RIN3: variants seen among roughly 807,000 people sequenced by gnomAD.
The protein encoded by RIN3 is Ras and Rab interactor 3, also known as RAB5 interacting protein 3.
Under a neutral mutation model 76.3 loss-of-function variants are expected in RIN3, and 54 were observed. The observed-to-expected ratio is 0.71, with a 90% CI of 0.57 to 0.89. The LOEUF (loss-of-function observed/expected upper bound fraction) is 0.89. Ranked by LOEUF, RIN3 falls within the 40% of genes least tolerant of loss-of-function variation. RIN3 has a pLI of 0.00. For synonymous variants in RIN3, 576 were observed against 564.0 expected, an observed-to-expected ratio of 1.02 and a Z score of -0.30; for missense variants, 1,256 against 1,322.1, an observed-to-expected ratio of 0.95 and a Z score of 0.78.
chr14:92,673,960 T>C (rs868097158), intron 7 of RIN3, among the ~76,000 whole-genome samples: 13 of 152,354 alleles, frequency 8.5e-5, no homozygotes, highest in South Asian at 6.2e-4. Flanking sequence ...AACCAGATTT[T>C]AGATACAGTC....
rs150221413 is a variant in RIN3, at chr14:92,555,895, G to T, written c.189G>T (p.Trp63Cys). Residue 63 changes from tryptophan (W) to cysteine (C), a missense_variant, in exon 2 of 10, where the codon TGG (tryptophan) becomes TGT (cysteine). Transcript: ENST00000216487. ...AGCTCATCAAAACATGCCCGGTGTGGCTGCAGCTGAGTCTGGGCCAGGCAG... is the reference window on the plus strand; with the variant it reads ...AGCTCATCAAAACATGCCCGGTGTGTCTGCAGCTGAGTCTGGGCCAGGCAG... The part of the protein sequence containing the change: ...LEKLIKTCPV[W>C]LQLSLGQAEV... The T allele has an allele frequency of 5.4e-4, 864 of 1,614,022 alleles. 4 individuals are homozygous for T. The highest frequency in any genetic ancestry group is 6.0e-4 in the Non-Finnish European group (705 of 1,180,036).
At chr14:92,618,211 C>T (rs1566870738) in intron 4 of RIN3, among the ~76,000 whole-genome samples, 1 of 152,154 alleles carries the variant, frequency 6.6e-6, no homozygotes, top group African/African-American at 2.4e-5. Context: ...CATAAGTGCA[C>T]AAAACAGACC....
Position 92,555,824 on chromosome 14 carries a change from C to G in RIN3, c.118C>G (p.Pro40Ala), listed in dbSNP as rs999188604. The change falls in exon 2 of 10, where the codon CCG becomes GCG. Residue 40 changes from proline to alanine, a missense_variant. Around this residue, in one of 3 missense-constraint regions of RIN3, gnomAD observed 610 missense variants for 626.4 expected, o/e 0.97. Coordinates refer to ENST00000216487, the MANE Select transcript of RIN3 (RefSeq NM_024832.5). Reference protein sequence around the residue: ...DGMRLCLPANPKNCLPHRRGI... With the variant: ...DGMRLCLPANAKNCLPHRRGI... Reference sequence around the variant, plus strand: ...CATGCGGCTTTGTCTGCCAGCCAACCCGAAAAACTGCCTTCCTCACCGCCG... The same window carrying G: ...CATGCGGCTTTGTCTGCCAGCCAACGCGAAAAACTGCCTTCCTCACCGCCG... The G allele has an allele frequency of 6.2e-7, 1 of 1,614,050 alleles. No individual in the cohort carries two copies. Among genetic ancestry groups the G allele is most frequent in the Non-Finnish European group, 8.5e-7 (1 of 1,180,044 alleles).
Position 92,641,256 on chromosome 14 carries a change from A to G in RIN3, c.459A>G (p.Thr153=). 3 of 1,613,982 alleles carry G rather than the reference A, an allele frequency of 1.9e-6. No homozygotes were observed. The highest frequency in any genetic ancestry group is 1.1e-5 in the South Asian group (1 of 91,072). ...YCVSRDLLPF[T]LRLPQAILEA... ...TTCACAGAGACTTACTGCCCTTCACACTGCGGCTACCCCAGGCCATCCTTG... is the reference window on the plus strand; with the variant it reads ...TTCACAGAGACTTACTGCCCTTCACGCTGCGGCTACCCCAGGCCATCCTTG... The change falls in exon 5 of 10, where the codon ACA becomes ACG. Residue 153 remains threonine, a synonymous_variant. Transcript: ENST00000216487.
intron 6 of RIN3, 120 bp from the exon 7 acceptor site, chr14:92,659,041 G>A (rs1887776307): frequency 1.1e-6 from 1 of 889,748 alleles, no homozygotes; most frequent in African/African-American, 1.7e-5. Context: ...TAACTGCTGG[G>A]GCTGTGAGTG....
chr14:92,566,520 G>A (rs736087), intron 2 of RIN3, among the ~76,000 whole-genome samples: 47,926 of 152,006 alleles, frequency 0.32, 8,010 homozygotes, highest in South Asian at 0.39. Context: ...GGTCAAGATC[G>A]GCTCTGACCA....
chr14:92,561,056 TCTGCC>T (rs1367328942), intron 2 of RIN3, among the ~76,000 whole-genome samples: 22 of 37,812 alleles, frequency 5.8e-4, no homozygotes, highest in South Asian at 1.5e-3. Context: ...TATATATATA[TCTGCC>T]ATATATATGC....
chr14:92,543,096 T>C, intron 1 of RIN3, among the ~76,000 whole-genome samples: 1 of 152,216 alleles, frequency 6.6e-6, no homozygotes, highest in African/African-American at 2.4e-5. Flanking sequence ...CGAACCACCC[T>C]ATCTGGAAAT....
intron 1 of RIN3, among the ~76,000 whole-genome samples, chr14:92,523,523 G>A (rs566520544): frequency 2.6e-5 from 4 of 152,336 alleles, no homozygotes; most frequent in East Asian, 3.9e-4. Context: ...TTATATGCCC[G>A]AAGTACTCAG....
intron 3 of RIN3, among the ~76,000 whole-genome samples, chr14:92,584,352 C>CA (rs777444875): frequency 6.6e-6 from 1 of 152,198 alleles, no homozygotes; most frequent in Non-Finnish European, 1.5e-5. Flanking sequence ...AGGTTCCACT[C>CA]AGAGAAGGCA....
chr14:92,684,944 C>T lies in RIN3; in HGVS notation c.2468-43C>T, dbSNP rs528716942. On this transcript the variant is annotated intron_variant, in intron 8 of 9. Coordinates refer to ENST00000216487, the MANE Select transcript of RIN3 (RefSeq NM_024832.5). ...GGCCAAGCTCCTTGCCTCTGGTGGG[C>T]GGAGGCGGTCCTGGCTCAGATTCCA... The T allele has an allele frequency of 6.3e-6, 10 of 1,580,900 alleles. No homozygotes were observed. In the Admixed American group the frequency reaches 1.4e-4, roughly 21 times the overall value.
At chr14:92,687,767 C>A (rs1210791538) in intron 9 of RIN3, 159 bp from the exon 10 acceptor site, 1 of 635,888 alleles carries the variant, frequency 1.6e-6, no homozygotes, top group Non-Finnish European at 2.5e-6. Context: ...ACGGGCCCCC[C>A]GCAGGCTCGC....
intron 4 of RIN3, among the ~76,000 whole-genome samples, chr14:92,635,583 G>A (rs747099092): frequency 2.6e-4 from 39 of 152,236 alleles, no homozygotes; most frequent in Non-Finnish European, 4.6e-4. Context: ...TGGGCGTGGC[G>A]GCTCACACCT....
chr14:92,677,159 T>C (rs1169346938), intron 8 of RIN3, among the ~76,000 whole-genome samples: 1 of 152,150 alleles, frequency 6.6e-6, no homozygotes, highest in African/African-American at 2.4e-5. Context: ...AGTGGGAAGT[T>C]AATGATATGA....
At position 92,582,605 on chromosome 14, in the gene RIN3, A is replaced by G. The variant is rs1215419993; in HGVS notation, c.367+5128A>G. 4.6e-5 allele frequency among the ~76,000 whole-genome samples: 7 copies of G among 152,238 alleles called. No homozygotes were observed. In the East Asian group the frequency reaches 1.4e-3, roughly 29 times the overall value. ...GTAGCTGGGACTACAGGCATGCGCC[A>G]TCACGTCCGGCTAATTTTTGTGTAT... On this transcript the variant is annotated intron_variant, in intron 3 of 9. Coordinates refer to ENST00000216487, the MANE Select transcript of RIN3 (RefSeq NM_024832.5).
At chr14:92,548,815 A>G (rs12881229) in intron 1 of RIN3, among the ~76,000 whole-genome samples, 12,580 of 152,058 alleles carry the variant, frequency 0.083, 921 homozygotes, top group East Asian at 0.4. Flanking sequence ...ATAAGGTCAC[A>G]TGTACAAGTA....
chr14:92,534,801 G>C (rs573368185), intron 1 of RIN3, among the ~76,000 whole-genome samples: 75 of 152,136 alleles, frequency 4.9e-4, no homozygotes, highest in African/African-American at 1.8e-3. Flanking sequence ...ACATTGATCT[G>C]GGAAGATTCA....
chr14:92,604,078 T>TA (rs1885440477), intron 3 of RIN3, among the ~76,000 whole-genome samples: 2 of 152,214 alleles, frequency 1.3e-5, no homozygotes, highest in Non-Finnish European at 2.9e-5. Context: ...AATGTAACTA[T>TA]GTCCTTCAAA....
intron 3 of RIN3, among the ~76,000 whole-genome samples, chr14:92,611,994 G>C (rs2896216): frequency 1 from 151,678 of 152,206 alleles, 75,577 homozygotes; most frequent in Middle Eastern, 1. Flanking sequence ...GCAGGGGCCA[G>C]ACACTTTTAA....
Sources: allele counts gnomAD v4.1 joint callset (sites outside exome capture counted in the v4.1 genomes callset), GRCh38; gene constraint gnomAD v4.1.1; regional missense constraint gnomAD v4.1.1; transcripts MANE v1.5; gene names NCBI Gene and HGNC (gene_info 2026-07-23, HGNC 2026-07-21).